ALK: variants seen among roughly 807,000 people sequenced by gnomAD.
The protein encoded by ALK is ALK receptor tyrosine kinase.
A neutral mutation model predicts 163.1 loss-of-function variants in ALK; 74 were observed. The ratio of observed to expected loss-of-function variants is 0.45; its 90% CI spans 0.38 to 0.55. The LOEUF (loss-of-function observed/expected upper bound fraction) is 0.55, where lower values mean the gene tolerates loss of function less well. Among genes scored for constraint, ALK ranks in the 20% least tolerant of loss-of-function variants. The pLI is 0.00. For missense variants in ALK, 2,063 were observed against 2,105.3 expected, an observed-to-expected ratio of 0.98 and a Z score of 0.39; for synonymous variants, 960 against 843.2, an observed-to-expected ratio of 1.14 and a Z score of -2.40.
chr2:29,398,384 C>G (rs1476864042), intron 4 of ALK, among the ~76,000 whole-genome samples: 1 of 152,142 alleles, frequency 6.6e-6, no homozygotes, highest in African/African-American at 2.4e-5. Context: ...CGGCCATCTC[C>G]AAAACAGGAA....
chr2:29,674,881 C>T (rs1385386103), intron 3 of ALK, among the ~76,000 whole-genome samples: 4 of 94,228 alleles, frequency 4.2e-5, no homozygotes. Context: ...CAGGATTCAA[C>T]TTCTTCCTGG....
At chr2:29,533,737 G>C (rs984400437) in intron 3 of ALK, among the ~76,000 whole-genome samples, 5 of 152,216 alleles carry the variant, frequency 3.3e-5, no homozygotes, top group African/African-American at 4.8e-5. Flanking sequence ...GGACATAGAT[G>C]TGACAGACAC....
chr2:29,872,506 C>CCA (rs1388341355), intron 1 of ALK, among the ~76,000 whole-genome samples: 2 of 152,188 alleles, frequency 1.3e-5, no homozygotes, highest in Non-Finnish European at 2.9e-5. Flanking sequence ...TTACATTAGC[C>CCA]CACAGTTGGG....
At position 29,533,906 on chromosome 2, in the gene ALK, C is replaced by T. The variant is rs7571005; in HGVS notation, c.953-1790G>A. Among the ~76,000 whole-genome samples the T allele has an allele frequency of 6.9e-3, 1,053 of 151,970 alleles. 7 individuals carry two copies. The highest frequency in any genetic ancestry group is 8.7e-3 in the Non-Finnish European group (592 of 67,992). ...GACAGGAGGTCCAGGTGGGAAGATC[C>T]GTAAAGAGGAAGACCCTTGAGCCAG... On this transcript the variant is annotated intron_variant, in intron 3 of 28. Coordinates refer to ENST00000389048, the MANE Select transcript of ALK (RefSeq NM_004304.5).
intron 4 of ALK, among the ~76,000 whole-genome samples, chr2:29,459,949 A>C (rs1671046219): frequency 6.6e-6 from 1 of 152,176 alleles, no homozygotes; most frequent in Non-Finnish European, 1.5e-5. Context: ...ATGTTTTGTA[A>C]AAAGCAGCCT....
chr2:29,886,132 TA>T (rs1247368468), intron 1 of ALK, among the ~76,000 whole-genome samples: 1 of 152,228 alleles, frequency 6.6e-6, no homozygotes, highest in Non-Finnish European at 1.5e-5. Flanking sequence ...TTCTCTTTTT[TA>T]TAGTTGTGTT....
chr2:29,474,184 G>C (rs577820643), intron 4 of ALK, among the ~76,000 whole-genome samples: 4 of 152,288 alleles, frequency 2.6e-5, no homozygotes, highest in African/African-American at 9.6e-5. Flanking sequence ...CAACAAAATT[G>C]AATTACTGCT....
intron 4 of ALK, among the ~76,000 whole-genome samples, chr2:29,468,024 G>T (rs1422692914): frequency 6.6e-6 from 1 of 150,574 alleles, no homozygotes. Flanking sequence ...ATTCTTTGGG[G>T]TCCTCAATAA....
At chr2:29,546,039 T>C (rs2148170478) in intron 3 of ALK, among the ~76,000 whole-genome samples, 1 of 152,290 alleles carries the variant, frequency 6.6e-6, no homozygotes, top group African/African-American at 2.4e-5. Flanking sequence ...TATGTGTGTG[T>C]GCGTATATAC....
intron 1 of ALK, among the ~76,000 whole-genome samples, chr2:29,884,927 G>C (rs1375633032): frequency 6.6e-6 from 1 of 152,154 alleles, no homozygotes; most frequent in East Asian, 1.9e-4. Context: ...ACGAACAGAA[G>C]TGAGCACCAT....
At chr2:29,794,084 C>A (rs1301684413) in intron 1 of ALK, among the ~76,000 whole-genome samples, 1 of 152,146 alleles carries the variant, frequency 6.6e-6, no homozygotes, top group Non-Finnish European at 1.5e-5. Flanking sequence ...TTTAGTGTAG[C>A]CACCTTCATC....
chr2:29,738,070 A>G (rs1036758895), intron 1 of ALK, among the ~76,000 whole-genome samples: 3 of 152,028 alleles, frequency 2.0e-5, no homozygotes, highest in Non-Finnish European at 4.4e-5. Flanking sequence ...ACAGCAAGCT[A>G]GAAAGATGGC....
chr2:29,488,682 T>A (rs937106670), intron 4 of ALK, among the ~76,000 whole-genome samples: 2 of 152,184 alleles, frequency 1.3e-5, no homozygotes, highest in Non-Finnish European at 2.9e-5. Context: ...TGGGGAGAAC[T>A]TCAAATTACT....
At chr2:29,827,704 G>A (rs1329337977) in intron 1 of ALK, among the ~76,000 whole-genome samples, 1 of 152,154 alleles carries the variant, frequency 6.6e-6, no homozygotes, top group African/African-American at 2.4e-5. Flanking sequence ...ACGCTCATGG[G>A]TAGGAAGAAT....
At chr2:29,365,580 T>G (rs1376571799) in intron 5 of ALK, among the ~76,000 whole-genome samples, 3 of 152,238 alleles carry the variant, frequency 2.0e-5, no homozygotes, top group Admixed American at 2.0e-4. Context: ...GAACACACTC[T>G]GCATCCTGTC....
chr2:29,679,684 T>C (rs1573550139), intron 3 of ALK, among the ~76,000 whole-genome samples: 1 of 151,962 alleles, frequency 6.6e-6, no homozygotes, highest in African/African-American at 2.4e-5. Context: ...AGTTTTATAA[T>C]TGTGGATTTA....
At chr2:29,823,015 T>C (rs1262230114) in intron 1 of ALK, among the ~76,000 whole-genome samples, 1 of 152,210 alleles carries the variant, frequency 6.6e-6, no homozygotes, top group East Asian at 1.9e-4. Context: ...TCATCTTGAA[T>C]TTCCACGTGT....
At chr2:29,724,821 A>G (rs17008532) in intron 1 of ALK, among the ~76,000 whole-genome samples, 13,408 of 152,118 alleles carry the variant, frequency 0.088, 1,176 homozygotes, top group African/African-American at 0.23. Flanking sequence ...ATGGAATTAA[A>G]CAGCTCCCAC....
chr2:29,917,002 CA>C (rs1667853483), intron 1 of ALK, among the ~76,000 whole-genome samples: 2 of 152,220 alleles, frequency 1.3e-5, no homozygotes, highest in Non-Finnish European at 2.9e-5. Flanking sequence ...CAGTAACCCA[CA>C]AGGAAAAACC....
Sources: gnomAD v4.1 joint callset for allele counts (sites outside exome capture counted in the v4.1 genomes callset) on GRCh38, gnomAD v4.1.1 for gene constraint, MANE v1.5 for transcripts, NCBI Gene and HGNC (gene_info 2026-07-23, HGNC 2026-07-21) for gene names.